Variants in SNAPC4 observed in about 807,000 individuals in gnomAD.
SNAPC4 encodes snRNA-activating protein complex subunit 4.
In SNAPC4, 127 loss-of-function variants were observed where a neutral mutation model predicts 151.3. The observed-to-expected ratio is 0.84, with a 90% CI of 0.73 to 0.97. The LOEUF is 0.97. SNAPC4 is among the 50% of genes least tolerant of loss of function. The pLI is 0.00. For missense variants in SNAPC4, 2,186 were observed against 1,935.0 expected, an observed-to-expected ratio of 1.13 and a Z score of -2.43; for synonymous variants, 1,002 against 824.4, an observed-to-expected ratio of 1.22 and a Z score of -3.69.
At position 136,378,248 on chromosome 9, in the gene SNAPC4, A is replaced by T. The variant is rs781154522; in HGVS notation, c.3579T>A (p.Ala1193=). ...AAGGGGGTTCTGCTTCAGGAGGGTC[A>T]GCGTGGGAGGACGTCCTGGGCTCAG... The part of the protein sequence containing the change: ...EIPEPRTSSH[A]DPPEAEPPWS... Residue 1193 remains alanine (A), a synonymous_variant, in exon 22 of 24, where the codon GCT becomes GCA. Coordinates refer to ENST00000684778, the MANE Select transcript of SNAPC4 (RefSeq NM_003086.4). 40 of 1,609,646 alleles carry T rather than the reference A, an allele frequency of 2.5e-5. No individual in the cohort carries two copies. In the African/African-American group the frequency reaches 4.9e-4, roughly 20 times the overall value.
chr9:136,388,285 AGTCAC>A (rs961961386), intron 11 of SNAPC4, among the ~76,000 whole-genome samples, 154 bp downstream of exon 11: 21 of 151,338 alleles, frequency 1.4e-4, no homozygotes, highest in African/African-American at 5.1e-4. Flanking sequence ...AAAAAAAAAA[AGTCAC>A]TTGAGTCACC....
rs760171662 is a variant in SNAPC4, at chr9:136,378,900, G to A, written c.2927C>T (p.Ala976Val). 14 of 1,611,304 alleles carry A rather than the reference G, an allele frequency of 8.7e-6. 1 individual carries two copies. The highest frequency in any genetic ancestry group is 1.7e-5 in the Admixed American group (1 of 59,830). ...CATGGTGGAGAGTCTCTTGTCCTTG[G>A]CTGAAGTCCCAGCCTCCTGCCAGGA... ...SGSWQEAGTS[A>V]KDKRLSTMQA... Residue 976 changes from alanine (A) to valine (V), a missense_variant, in exon 22 of 24, where the codon GCC becomes GTC. Coordinates refer to ENST00000684778, the MANE Select transcript of SNAPC4 (RefSeq NM_003086.4).
chr9:136,392,074 C>G lies in SNAPC4; in HGVS notation c.843G>C (p.Arg281=), dbSNP rs140506477. Residue 281 remains arginine, a synonymous_variant, in exon 10 of 24, where the codon CGG becomes CGC. Transcript: ENST00000684778. ...GGTGCTCCGAGTTCTGCCAGAACTT[C>G]CGGATCTCCTCTGCACTGCGGCTGC... ...FEGSRSAEEI[R]KFWQNSEHPS... is the part of the protein sequence containing the mutation. 1 of 1,612,638 alleles carries G rather than the reference C, an allele frequency of 6.2e-7. No homozygotes were observed. The highest frequency in any genetic ancestry group is 8.5e-7 in the Non-Finnish European group (1 of 1,179,980).
intron 22 of SNAPC4, 26 bp downstream of exon 22, chr9:136,377,517 G>T (rs774758305): frequency 1.3e-6 from 2 of 1,501,126 alleles, no homozygotes; most frequent in Non-Finnish European, 8.9e-7. Flanking sequence ...CTGCCATGGG[G>T]AAGTGGGGCT....
At position 136,388,471 on chromosome 9, in the gene SNAPC4, C is replaced by T. The variant is rs140560641; in HGVS notation, c.1096G>A (p.Val366Ile). 3.1e-5 allele frequency: 50 copies of T among 1,613,350 alleles called. No individual in the cohort carries two copies. Among genetic ancestry groups the T allele is most frequent in the African/African-American group, 4.0e-5 (3 of 74,934 alleles). Reference sequence around the variant, plus strand: ...CTGCGGTAGGGGATGTGGCTGCCGACGCGCATCTCCTGCACCAGCTGCGTG... The same window carrying T: ...CTGCGGTAGGGGATGTGGCTGCCGATGCGCATCTCCTGCACCAGCTGCGTG... ...MLTQLVQEMR[V>I]GSHIPYRRIV... Residue 366 changes from valine (V) to isoleucine (I), a missense_variant, in exon 11 of 24, where the codon GTC becomes ATC. By Grantham distance (29) the Val-to-Ile change is conservative. Coordinates refer to ENST00000684778, the MANE Select transcript of SNAPC4 (RefSeq NM_003086.4).
rs144372978 is a variant in SNAPC4, at chr9:136,382,011, G to A, written c.2130C>T (p.Ser710=). ...TSSPGVSSGD[S]VARSHVQWLR... is the part of the protein sequence containing the mutation. Reference sequence around the variant, plus strand: ...GCCACTGCACATGGGATCGGGCCACGCTGTCACCAGAGCTGACCCCTGGGG... The same window carrying A: ...GCCACTGCACATGGGATCGGGCCACACTGTCACCAGAGCTGACCCCTGGGG... The change falls in exon 18 of 24, where the codon AGC becomes AGT. Residue 710 remains serine, a synonymous_variant. Coordinates refer to ENST00000684778, the MANE Select transcript of SNAPC4 (RefSeq NM_003086.4). The A allele has an allele frequency of 7.3e-5, 117 of 1,608,600 alleles. No homozygotes were observed. The highest frequency in any genetic ancestry group is 9.5e-5 in the Non-Finnish European group (112 of 1,178,694).
chr9:136,399,459 C>T (rs933619843), intron 1 of SNAPC4, among the ~76,000 whole-genome samples: 3 of 152,254 alleles, frequency 2.0e-5, no homozygotes, highest in Non-Finnish European at 4.4e-5. Context: ...GGCGGAGACG[C>T]TTTCCTCTGG....
Position 136,392,567 on chromosome 9 carries a change from T to C in SNAPC4, c.765A>G (p.Gly255=). 1 of 1,613,888 alleles carries C rather than the reference T, an allele frequency of 6.2e-7. No homozygotes were observed. The change falls in exon 9 of 24, where the codon GGA becomes GGG. Residue 255 remains glycine (G), a synonymous_variant. Transcript: ENST00000684778. The part of the protein sequence containing the change: ...INQLPEEALL[G]NRLDSHDWEK... Reference sequence around the variant, plus strand: ...CCCAGTCGTGGCTGTCCAGCCTGTTTCCCAGCAAGGCCTCTTCTGGAAGCT... The same window carrying C: ...CCCAGTCGTGGCTGTCCAGCCTGTTCCCCAGCAAGGCCTCTTCTGGAAGCT...
intron 10 of SNAPC4, 140 bp downstream of exon 10, chr9:136,391,802 C>T: frequency 1.1e-6 from 1 of 907,620 alleles, no homozygotes; most frequent in Non-Finnish European, 1.6e-6. Flanking sequence ...TTCCCTAGGG[C>T]CACAGCCTGG....
In SNAPC4 at chr9:136,392,768, G is replaced by A. The variant is rs1432930618; in HGVS notation, c.642C>T (p.Tyr214=). The A allele has an allele frequency of 3.7e-6, 6 of 1,613,338 alleles. No individual in the cohort carries two copies. In the South Asian group the frequency reaches 5.5e-5, roughly 15 times the overall value. ...LLQPKLLKLE[Y]LHQKQSKVSS... ...AGACTTTGCTCTGCTTCTGGTGCAAGTACTCGAGCCTGCAAAGCAGAGCAG... is the reference window on the plus strand; with the variant it reads ...AGACTTTGCTCTGCTTCTGGTGCAAATACTCGAGCCTGCAAAGCAGAGCAG... The change falls in exon 8 of 24, where the codon TAC becomes TAT. Residue 214 remains tyrosine (Y), a synonymous_variant. Coordinates refer to ENST00000684778, the MANE Select transcript of SNAPC4 (RefSeq NM_003086.4).
At position 136,378,303 on chromosome 9, in the gene SNAPC4, G is replaced by A. The variant is rs1334710295; in HGVS notation, c.3524C>T (p.Pro1175Leu). 8 of 1,604,424 alleles carry A rather than the reference G, an allele frequency of 5.0e-6. No homozygotes were observed. Among genetic ancestry groups the A allele is most frequent in the Non-Finnish European group, 6.8e-6 (8 of 1,176,124 alleles). Residue 1175 changes from proline (P) to leucine (L), a missense_variant, in exon 22 of 24, where the codon CCT becomes CTT. Physicochemically the swap from Pro to Leu is moderately conservative, Grantham distance 98. Transcript: ENST00000684778. ...CTCCCTGGCCACCTGGGCCTCTCCAGGGACAAAGGCCACACTGCCATCCGC... is the reference window on the plus strand; with the variant it reads ...CTCCCTGGCCACCTGGGCCTCTCCAAGGACAAAGGCCACACTGCCATCCGC... Reference protein sequence around the residue: ...AEADGSVAFVPGEAQVAREIP... With the variant: ...AEADGSVAFVLGEAQVAREIP...
chr9:136,395,459 C>G, intron 4 of SNAPC4, 36 bp from the exon 5 acceptor site: 6 of 1,602,476 alleles, frequency 3.7e-6, no homozygotes, highest in Non-Finnish European at 5.1e-6. Flanking sequence ...CCTCTATGGA[C>G]CAGCAGCAAT....
At chr9:136,376,741 C>A (rs867182631) in intron 22 of SNAPC4, among the ~76,000 whole-genome samples, 13 of 151,974 alleles carry the variant, frequency 8.6e-5, no homozygotes, top group South Asian at 4.1e-4. Context: ...CACACCCAGG[C>A]AGGGCAGGAG....
rs546280184 is a variant in SNAPC4 at position 136,378,320 on chromosome 9, G to A, written c.3507C>T (p.Gly1169=). 6.2e-7 allele frequency: 1 copy of A among 1,604,496 alleles called. No homozygotes were observed. The highest frequency in any genetic ancestry group is 8.5e-7 in the Non-Finnish European group (1 of 1,176,168). Residue 1169 remains glycine (G), a synonymous_variant, in exon 22 of 24, where the codon GGC becomes GGT. Transcript: ENST00000684778. ...ALSQSPAEAD[G]SVAFVPGEAQ... is the part of the protein sequence containing the mutation. ...CCTCTCCAGGGACAAAGGCCACACT[G>A]CCATCCGCTTCTGCAGGACTTTGGG...
intron 10 of SNAPC4, 131 bp downstream of exon 10, chr9:136,391,811 G>A (rs1820489539): frequency 4.1e-6 from 4 of 972,070 alleles, no homozygotes; most frequent in Non-Finnish European, 6.0e-6. Flanking sequence ...GCCACAGCCT[G>A]GAGGTGGCAA....
At chr9:136,390,474 G>T (rs982444909) in intron 10 of SNAPC4, among the ~76,000 whole-genome samples, 4 of 137,586 alleles carry the variant, frequency 2.9e-5, no homozygotes, top group African/African-American at 1.1e-4. Flanking sequence ...AGAATGGCGT[G>T]AACCCGGGAG....
intron 20 of SNAPC4, 33 bp downstream of exon 20, chr9:136,380,707 C>T: frequency 8.1e-7 from 1 of 1,234,716 alleles, no homozygotes; most frequent in South Asian, 1.2e-5. Context: ...CGGGCAGTGG[C>T]CATCCTCACT....
In SNAPC4 at chr9:136,378,955, G is replaced by A. The variant is rs772903644; in HGVS notation, c.2872C>T (p.Pro958Ser). ...LNVPLSGPGA[P>S]AAAKPGTSGS... ...GAAGTGCCAGGTTTGGCTGCCGCGG[G>A]GGCCCCAGGCCCAGAGAGCGGTACA... The change falls in exon 22 of 24, where the codon CCC becomes TCC. Residue 958 changes from proline to serine, a missense_variant. Transcript: ENST00000684778. The A allele has an allele frequency of 5.6e-6, 9 of 1,609,094 alleles. No homozygotes were observed. The South Asian group carries it at 7.8e-5, about 14-fold the overall frequency.
At position 136,378,651 on chromosome 9, in the gene SNAPC4, C is replaced by T. The variant is rs763159496; in HGVS notation, c.3176G>A (p.Ser1059Asn). The T allele has an allele frequency of 3.7e-5, 57 of 1,523,450 alleles. 2 individuals are homozygous for T. In the South Asian group the frequency reaches 7.1e-4, roughly 19 times the overall value. 94.4% of individuals were successfully genotyped at this position (1,523,450 alleles called of 1,614,324 possible). Residue 1059 changes from serine (S) to asparagine (N), a missense_variant, in exon 22 of 24, where the codon AGC becomes AAC. Physicochemically the swap from Ser to Asn is conservative, Grantham distance 46 (BLOSUM62 1). Transcript: ENST00000684778. ...ATGTGGCCCTCCTATGTGCGTCAGG[C>T]TGAGGGGCTGGACGGGCAGTGGGGT... ...SPTPLPVQPL[S>N]LTHIGGPHVA...
Sources: gnomAD v4.1 joint callset for allele counts (sites outside exome capture counted in the v4.1 genomes callset) on GRCh38, gnomAD v4.1.1 for gene constraint, MANE v1.5 for transcripts, NCBI Gene and HGNC (gene_info 2026-07-23, HGNC 2026-07-21) for gene names.